The following DLG2 variants were observed in gnomAD, a reference collection of about 807,000 sequenced individuals.
DLG2 encodes the protein discs large MAGUK scaffold protein 2, also known as disks large homolog 2.
A neutral mutation model predicts 132.5 loss-of-function variants in DLG2; 45 were observed. The observed-to-expected ratio is 0.34, with a 90% CI of 0.27 to 0.44. The LOEUF is 0.44. DLG2 is among the 20% of genes least tolerant of loss of function. DLG2 has a pLI of 1.00. For synonymous variants in DLG2, 424 were observed against 419.6 expected (o/e 1.01, Z -0.13); for missense variants, 1,045 against 1,196.9 (o/e 0.87, Z 1.87).
At chr11:85,077,267 C>T (rs1472155826) in intron 6 of DLG2, among the ~76,000 whole-genome samples, 2 of 151,884 alleles carry the variant, frequency 1.3e-5, no homozygotes, top group Non-Finnish European at 2.9e-5. Flanking sequence ...AAAAGAACAC[C>T]TGCGTTAAGG....
intron 4 of DLG2, among the ~76,000 whole-genome samples, chr11:85,260,997 G>C (rs756039040): frequency 2.6e-5 from 4 of 152,168 alleles, no homozygotes; most frequent in Non-Finnish European, 5.9e-5. Context: ...TCTCTCTTGA[G>C]ATGTTCCCTT....
intron 6 of DLG2, among the ~76,000 whole-genome samples, chr11:84,776,232 G>T (rs975254102): frequency 6.6e-6 from 1 of 152,086 alleles, no homozygotes; most frequent in Admixed American, 6.6e-5. Flanking sequence ...ACAGCTCACT[G>T]CAGTCTTGAT....
intron 19 of DLG2, among the ~76,000 whole-genome samples, chr11:83,555,205 G>C (rs2096489681): frequency 6.6e-6 from 1 of 152,244 alleles, no homozygotes; most frequent in African/African-American, 2.4e-5. Flanking sequence ...CCTGAAAGAA[G>C]ATCAATGTCT....
chr11:84,200,976 T>C (rs2096584685), intron 8 of DLG2, among the ~76,000 whole-genome samples: 1 of 152,174 alleles, frequency 6.6e-6, no homozygotes, highest in South Asian at 2.1e-4. Context: ...GAACTTCTAA[T>C]ACCATGTTGA....
At chr11:83,587,266 G>C (rs1286400547) in intron 19 of DLG2, among the ~76,000 whole-genome samples, 1 of 151,070 alleles carries the variant, frequency 6.6e-6, no homozygotes, top group Non-Finnish European at 1.5e-5. Context: ...CATTGAATTT[G>C]CTACTTTTTT....
chr11:83,624,042 T>A (rs914273775), intron 19 of DLG2, among the ~76,000 whole-genome samples: 1 of 152,200 alleles, frequency 6.6e-6, no homozygotes, highest in African/African-American at 2.4e-5. Flanking sequence ...AGTGGAGAGG[T>A]AAGCAGAATC....
rs373748139 is a variant in DLG2, at chr11:83,874,432, A to T, written c.1553T>A (p.Val518Asp). The T allele has an allele frequency of 1.9e-6, 3 of 1,597,898 alleles. No homozygotes were observed. Among genetic ancestry groups the T allele is most frequent in the Non-Finnish European group, 2.6e-6 (3 of 1,170,290 alleles). Reference protein sequence around the residue: ...RQPSMTLQRAVSLEGEPRKVV... With the variant: ...RQPSMTLQRADSLEGEPRKVV... ...ATTATTATCTTACCCTTCCAGGGAG[A>T]CGGCCCGTTGGAGAGTCATTGAAGG... Residue 518 changes from valine to aspartate, a missense_variant, in exon 16 of 28, where the codon GTC becomes GAC. By Grantham distance (152) the Val-to-Asp change is radical. This residue lies in a region of DLG2 where 261 missense variants were observed against 256.1 expected (regional missense o/e 1.02). Coordinates refer to ENST00000376104, the MANE Select transcript of DLG2 (RefSeq NM_001142699.3).
chr11:84,860,073 C>G (rs562861574), intron 6 of DLG2, among the ~76,000 whole-genome samples: 46 of 152,224 alleles, frequency 3.0e-4, no homozygotes, highest in African/African-American at 1.1e-3. Flanking sequence ...TTGGCATCCC[C>G]AGGATCTAGC....
intron 6 of DLG2, among the ~76,000 whole-genome samples, chr11:84,923,763 C>T (rs916457893): frequency 1.3e-5 from 2 of 152,042 alleles, no homozygotes; most frequent in Non-Finnish European, 2.9e-5. Flanking sequence ...ATATAAAGTC[C>T]CCTAAAATGT....
intron 18 of DLG2, chr11:83,682,492 T>C: frequency 1.0e-6 from 1 of 964,858 alleles, no homozygotes; most frequent in Non-Finnish European, 1.2e-6. Context: ...ATAAGATGCT[T>C]TCCCACCATC....
chr11:83,605,036 A>AGAGG (rs958469777), intron 19 of DLG2, among the ~76,000 whole-genome samples: 1 of 151,638 alleles, frequency 6.6e-6, no homozygotes, highest in Non-Finnish European at 1.5e-5. Context: ...AGAGAGAGAG[A>AGAGG]GATTGATTGA....
chr11:85,366,525 T>C (rs1355219760), intron 3 of DLG2, among the ~76,000 whole-genome samples: 1 of 152,192 alleles, frequency 6.6e-6, no homozygotes, highest in African/African-American at 2.4e-5. Context: ...CAAATGGATA[T>C]ATCCTATTAA....
At chr11:84,196,015 C>G (rs1164939912) in intron 8 of DLG2, among the ~76,000 whole-genome samples, 2 of 152,014 alleles carry the variant, frequency 1.3e-5, no homozygotes, top group Non-Finnish European at 2.9e-5. Context: ...AACATAAAAC[C>G]AACACCAAAA....
intron 7 of DLG2, among the ~76,000 whole-genome samples, chr11:84,523,596 G>A (rs1181158470): frequency 6.6e-6 from 1 of 152,198 alleles, no homozygotes; most frequent in African/African-American, 2.4e-5. Context: ...AAATATGGGA[G>A]GGATGTAGAA....
At chr11:84,003,591 C>G (rs7936423) in intron 11 of DLG2, among the ~76,000 whole-genome samples, 82,894 of 151,764 alleles carry the variant, frequency 0.55, 23,393 homozygotes, top group Middle Eastern at 0.71. Flanking sequence ...AGGGGAAGAG[C>G]CTCTTATAAA....
chr11:83,696,514 T>A (rs1042903208), intron 18 of DLG2, among the ~76,000 whole-genome samples: 6 of 152,090 alleles, frequency 3.9e-5, no homozygotes, highest in Admixed American at 3.9e-4. Flanking sequence ...GGCATCTTGA[T>A]ATGAAAAAGC....
intron 6 of DLG2, among the ~76,000 whole-genome samples, chr11:84,714,246 C>T (rs1329632541): frequency 1.3e-5 from 2 of 151,742 alleles, no homozygotes; most frequent in African/African-American, 4.8e-5. Context: ...GGAAACTACC[C>T]TGCTAGTGAC....
intron 3 of DLG2, among the ~76,000 whole-genome samples, chr11:85,412,728 C>A (rs2089431414): frequency 8.8e-6 from 1 of 114,100 alleles, no homozygotes; most frequent in African/African-American, 3.7e-5. Flanking sequence ...CAGTATTTCA[C>A]ACACACACAC....
At chr11:84,252,271 C>T (rs1338895981) in intron 7 of DLG2, among the ~76,000 whole-genome samples, 7 of 149,072 alleles carry the variant, frequency 4.7e-5, no homozygotes, top group African/African-American at 1.7e-4. Flanking sequence ...CTGTCTCATC[C>T]TCCCGAGTAG....
Sources: gnomAD v4.1 joint callset for allele counts (sites outside exome capture counted in the v4.1 genomes callset) on GRCh38, gnomAD v4.1.1 for gene constraint, gnomAD v4.1.1 regional missense constraint, MANE v1.5 for transcripts, NCBI Gene and HGNC (gene_info 2026-07-23, HGNC 2026-07-21) for gene names.